EAPP: variants seen among roughly 807,000 people sequenced by gnomAD.
EAPP encodes the protein E2F associated phosphoprotein.
EAPP carries 38 observed loss-of-function variants against 34.3 expected under a neutral mutation model. The observed-to-expected ratio is 1.11, with a 90% CI of 0.85 to 1.45. EAPP has a LOEUF of 1.45. Among genes scored for constraint, EAPP ranks in the 40% most tolerant of loss-of-function variants. The probability of loss-of-function intolerance (pLI) is 0.00; values close to 1 mark genes in which losing one functional copy is unlikely to be tolerated. For synonymous variants in EAPP, 113 were observed against 117.6 expected (o/e 0.96, Z 0.25); for missense variants, 338 against 343.7 (o/e 0.98, Z 0.13).
chr14:34,517,086 C>T (rs1359102857), intron 5 of EAPP, among the ~76,000 whole-genome samples: 6 of 151,622 alleles, frequency 4.0e-5, no homozygotes, highest in East Asian at 3.9e-4. Flanking sequence ...TACAGGCGCC[C>T]GCCACCATGC....
chr14:34,539,633 G>C lies in EAPP; in HGVS notation c.-5C>G. On this transcript the variant is annotated 5_prime_UTR_variant, in exon 1 of 6. Transcript: ENST00000250454. ...GTCATCCGGAAGCCGGTTCATGGTG[G>C]CCTGCAGCGGCCTACACCGTCCACA... The C allele has an allele frequency of 1.3e-6, 2 of 1,562,124 alleles. No homozygotes were observed. Among genetic ancestry groups the C allele is most frequent in the Non-Finnish European group, 1.7e-6 (2 of 1,153,356 alleles).
At chr14:34,524,308 G>C (rs1251397707) in intron 5 of EAPP, among the ~76,000 whole-genome samples, 1 of 152,148 alleles carries the variant, frequency 6.6e-6, no homozygotes, top group Non-Finnish European at 1.5e-5. Flanking sequence ...AGAATCACTT[G>C]AACCTGGGCA....
At chr14:34,534,986 G>C (rs749853900) in intron 2 of EAPP, among the ~76,000 whole-genome samples, 4 of 151,606 alleles carry the variant, frequency 2.6e-5, no homozygotes, top group African/African-American at 9.7e-5. Context: ...CTGCAGGCAC[G>C]TGCCACCAAG....
At chr14:34,520,434 T>C (rs1879881190) in intron 5 of EAPP, among the ~76,000 whole-genome samples, 1 of 151,830 alleles carries the variant, frequency 6.6e-6, no homozygotes, top group East Asian at 1.9e-4. Flanking sequence ...GGCCTTGAAC[T>C]CCTGACCTCA....
intron 5 of EAPP, among the ~76,000 whole-genome samples, chr14:34,516,920 C>T (rs1469101595): frequency 6.8e-6 from 1 of 146,846 alleles, no homozygotes; most frequent in Non-Finnish European, 1.5e-5. Context: ...ATCCTCTTTC[C>T]TTCTGCTTTT....
At chr14:34,529,580 C>A in intron 3 of EAPP, 105 bp from the exon 4 acceptor site, 1 of 963,778 alleles carries the variant, frequency 1.0e-6, no homozygotes, top group Non-Finnish European at 1.5e-6. Flanking sequence ...TTATATTTTC[C>A]CTAAAAAGTT....
Position 34,523,239 on chromosome 14 carries a change from C to CTTT in EAPP, c.581+1455_581+1457dup, listed in dbSNP as rs71453625. Among the ~76,000 whole-genome samples, 9 of 137,390 alleles carry CTTT rather than the reference C, an allele frequency of 6.6e-5. 1 individual carries two copies. In the South Asian group the frequency reaches 6.9e-4, roughly 11 times the overall value. The allele number at this position is 137,390 out of a possible 152,430, so 90.1% of individuals were successfully genotyped here. A position where few individuals can be genotyped will look rare whatever the true frequency, so the allele number is the denominator to read the frequency against. Reference sequence around the variant, plus strand: ...TGCTATTTTGCACTAGAAAAGATACCTTTTTTTTTTTTTTTTGAGACGGAG... The same window carrying CTTT: ...TGCTATTTTGCACTAGAAAAGATACCTTTTTTTTTTTTTTTTTTTGAGACGGAG... On this transcript the variant is annotated intron_variant, in intron 5 of 5. Transcript: ENST00000250454.
At chr14:34,525,295 G>C (rs567989251) in intron 4 of EAPP, among the ~76,000 whole-genome samples, 5 of 152,120 alleles carry the variant, frequency 3.3e-5, no homozygotes, top group Admixed American at 1.3e-4. Flanking sequence ...CAAAGAGTAC[G>C]GTATGGTAAG....
chr14:34,539,184 G>A (rs1228527008), intron 1 of EAPP: 1 of 405,272 alleles, frequency 2.5e-6, no homozygotes, highest in Admixed American at 3.5e-5. Flanking sequence ...GTTATACTAT[G>A]TTATATAGGT....
rs1206307914 is a variant in EAPP, at chr14:34,516,267, GC to G, written c.*42del. ...AAGAGGAAAGTAACTGTCCATATTT[GC>G]CTTATATACAGTATTGGGTAATTAA... On this transcript the variant is annotated 3_prime_UTR_variant, in exon 6 of 6. Coordinates refer to ENST00000250454, the MANE Select transcript of EAPP (RefSeq NM_018453.4). 4 of 1,533,854 alleles carry G rather than the reference GC, an allele frequency of 2.6e-6. No individual in the cohort carries two copies. The African/African-American group carries it at 4.1e-5, about 16-fold the overall frequency.
At chr14:34,539,283 G>A (rs777104748) in intron 1 of EAPP, 2 of 645,662 alleles carry the variant, frequency 3.1e-6, no homozygotes, top group African/African-American at 1.8e-5. Context: ...CTAAGGTGTA[G>A]AGACAGGTTT....
At chr14:34,526,520 T>G (rs1241696437) in intron 4 of EAPP, among the ~76,000 whole-genome samples, 2 of 151,804 alleles carry the variant, frequency 1.3e-5, no homozygotes, top group African/African-American at 4.8e-5. Flanking sequence ...GCCTAGGAGT[T>G]TGAGACCAGC....
intron 4 of EAPP, among the ~76,000 whole-genome samples, chr14:34,528,608 CAG>C (rs1216942274): frequency 6.7e-6 from 1 of 148,944 alleles, no homozygotes; most frequent in African/African-American, 2.5e-5. Flanking sequence ...TTAGTAGAGA[CAG>C]AGTTTCACTA....
At chr14:34,522,793 T>C (rs1463987310) in intron 5 of EAPP, among the ~76,000 whole-genome samples, 1 of 152,140 alleles carries the variant, frequency 6.6e-6, no homozygotes, top group Non-Finnish European at 1.5e-5. Context: ...GGTTCACACT[T>C]GGGACCTGGC....
At chr14:34,539,506 C>A (rs1032820765) in intron 1 of EAPP, 49 bp downstream of exon 1, 15 of 1,586,556 alleles carry the variant, frequency 9.5e-6, no homozygotes, top group Non-Finnish European at 1.3e-5. Flanking sequence ...GCGACCAAAG[C>A]CAGGCCTCGA....
At chr14:34,525,952 G>A (rs1383005355) in intron 4 of EAPP, among the ~76,000 whole-genome samples, 1 of 151,810 alleles carries the variant, frequency 6.6e-6, no homozygotes, top group Admixed American at 6.6e-5. Flanking sequence ...CCCAGGAGAC[G>A]GAGCTTGCAG....
chr14:34,516,878 T>C (rs1879749684), intron 5 of EAPP, among the ~76,000 whole-genome samples: 1 of 151,354 alleles, frequency 6.6e-6, no homozygotes, highest in Non-Finnish European at 1.5e-5. Flanking sequence ...AGAAGAAACA[T>C]TTTAGTATGT....
At chr14:34,536,068 T>C (rs775468089) in intron 2 of EAPP, 26 bp downstream of exon 2, 12 of 1,572,678 alleles carry the variant, frequency 7.6e-6, no homozygotes, top group South Asian at 1.2e-5. Context: ...TACAAAAATA[T>C]ATATAAAATT....
chr14:34,539,488 G>A (rs1385115415), intron 1 of EAPP, 67 bp downstream of exon 1: 5 of 1,533,218 alleles, frequency 3.3e-6, no homozygotes, highest in East Asian at 2.3e-5. Flanking sequence ...CAGGCGCAAC[G>A]AATGGAGGCG....
Sources: gnomAD v4.1 joint callset for allele counts (sites outside exome capture counted in the v4.1 genomes callset) on GRCh38, gnomAD v4.1.1 for gene constraint, MANE v1.5 for transcripts, NCBI Gene and HGNC (gene_info 2026-07-23, HGNC 2026-07-21) for gene names.